The following SLIT1 variants were observed in gnomAD, a reference collection of about 807,000 sequenced individuals.
SLIT1 encodes the protein slit guidance ligand 1.
SLIT1 carries 66 observed loss-of-function variants against 186.1 expected under a neutral mutation model. The ratio of observed to expected loss-of-function variants is 0.35; its 90% confidence interval spans 0.29 to 0.44. The LOEUF (loss-of-function observed/expected upper bound fraction) is 0.44, where lower values mean the gene tolerates loss of function less well. Among genes scored for constraint, SLIT1 ranks in the 20% least tolerant of loss-of-function variants. The pLI is 1.00. For missense variants in SLIT1, 1,638 were observed against 2,037.4 expected (o/e 0.80, Z 3.77); for synonymous variants, 761 against 833.8 (o/e 0.91, Z 1.50).
chr10:97,141,701 CGTATTGTATTGTACT>C lies in SLIT1; in HGVS notation c.413+16102_413+16116del, dbSNP rs1232335626. Among the ~76,000 whole-genome samples the C allele has an allele frequency of 5.6e-4, 54 of 96,404 alleles. 1 individual carries two copies. In the South Asian group the frequency reaches 0.015, roughly 26 times the overall value. The allele number at this position is 96,404 out of a possible 152,430, so 63.2% of individuals were successfully genotyped here. On this transcript the variant is annotated intron_variant, in intron 4 of 36. Coordinates refer to ENST00000266058, the MANE Select transcript of SLIT1 (RefSeq NM_003061.3). ...CGTATTGTATCGTATCGTATCGTATCGTATTGTATTGTACTGTATTGTATTGTACTGTATTGTATC... is the reference window on the plus strand; with the variant it reads ...CGTATTGTATCGTATCGTATCGTATCGTATTGTATTGTACTGTATTGTATC...
At chr10:97,178,556 A>T (rs1850287030) in intron 1 of SLIT1, among the ~76,000 whole-genome samples, 1 of 152,250 alleles carries the variant, frequency 6.6e-6, no homozygotes, top group South Asian at 2.1e-4. Flanking sequence ...CTGGGAAAAA[A>T]TAGCCATGAA....
At chr10:97,042,698 T>G (rs1170637137) in intron 20 of SLIT1, among the ~76,000 whole-genome samples, 3 of 152,100 alleles carry the variant, frequency 2.0e-5, no homozygotes, top group Admixed American at 6.5e-5. Context: ...GATAGGAACT[T>G]TATTGCTCTT....
intron 28 of SLIT1, among the ~76,000 whole-genome samples, 200 bp downstream of exon 28, chr10:97,018,386 C>G (rs7069617): frequency 0.25 from 38,471 of 152,176 alleles, 5,854 homozygotes; most frequent in African/African-American, 0.43. Context: ...ACTGCATCTG[C>G]GCAAGGAAGG....
At position 97,058,853 on chromosome 10, in the gene SLIT1, G is replaced by A. The variant is rs1589377948; in HGVS notation, c.1085+607C>T. Among the ~76,000 whole-genome samples, 7 of 152,212 alleles carry A rather than the reference G, an allele frequency of 4.6e-5. No individual in the cohort carries two copies. The South Asian group carries it at 1.4e-3, about 31-fold the overall frequency. Reference sequence around the variant, plus strand: ...TACAGACAAAGTGCTGTAGGACCTCGGGTAGTGAGGCCCTTGGTGAGTGGG... The same window carrying A: ...TACAGACAAAGTGCTGTAGGACCTCAGGTAGTGAGGCCCTTGGTGAGTGGG... On this transcript the variant is annotated intron_variant, in intron 11 of 36. Transcript: ENST00000266058.
At chr10:97,157,565 C>CA (rs1445052961) in intron 4 of SLIT1, 1 of 523,022 alleles carries the variant, frequency 1.9e-6, no homozygotes, top group African/African-American at 1.9e-5. Context: ...CTTGTACCCA[C>CA]ACTGTCAGCG....
rs1046730413 is a variant in SLIT1, at chr10:97,157,588, T to A, written c.413+230A>T. 9.1e-6 allele frequency: 5 copies of A among 549,470 alleles called. No homozygotes were observed. The East Asian group carries it at 1.2e-4, about 13-fold the overall frequency. 34.0% of individuals were successfully genotyped at this position (549,470 alleles called of 1,614,324 possible). ...CACACTGTCAGCGGCAGCTCACAAA[T>A]CTGGATGAACTGCGGGTTCTTCCAA... On this transcript the variant is annotated intron_variant, in intron 4 of 36. Transcript: ENST00000266058.
At chr10:97,011,685 T>C (rs1369579831) in intron 30 of SLIT1, among the ~76,000 whole-genome samples, 1 of 152,140 alleles carries the variant, frequency 6.6e-6, no homozygotes, top group Non-Finnish European at 1.5e-5. Context: ...AAACACTCCC[T>C]TTGGGCTCCT....
chr10:97,135,246 G>A (rs533022095), intron 4 of SLIT1, among the ~76,000 whole-genome samples: 22 of 152,154 alleles, frequency 1.4e-4, no homozygotes, highest in Admixed American at 3.9e-4. Flanking sequence ...GCCTGACCAC[G>A]TGCCTGCGTC....
At chr10:97,176,821 T>G (rs1229705229) in intron 1 of SLIT1, among the ~76,000 whole-genome samples, 247 of 152,342 alleles carry the variant, frequency 1.6e-3, no homozygotes, top group Non-Finnish European at 3.0e-3. Context: ...GTGTAGCCAC[T>G]GCTCTCCACT....
In SLIT1 at chr10:97,074,386, G is replaced by A. The variant is rs77917773; in HGVS notation, c.414-8300C>T. Among the ~76,000 whole-genome samples the A allele has an allele frequency of 1.6e-3, 238 of 152,328 alleles. 5 individuals are homozygous for A. The East Asian group carries it at 0.034, about 22-fold the overall frequency. On this transcript the variant is annotated intron_variant, in intron 4 of 36. Coordinates refer to ENST00000266058, the MANE Select transcript of SLIT1 (RefSeq NM_003061.3). ...GCCAGACAGGCTGGCTGTGCATGGC[G>A]AGAGACCACAGCTCCCCACCTATGC...
chr10:97,003,027 A>G (rs1231012466), intron 34 of SLIT1, 35 bp from the exon 35 acceptor site: 1 of 1,590,112 alleles, frequency 6.3e-7, no homozygotes, highest in Non-Finnish European at 8.6e-7. Context: ...TGGGCTGAGT[A>G]AAGCTCGGGC....
intron 4 of SLIT1, among the ~76,000 whole-genome samples, chr10:97,140,749 G>A (rs1398623092): frequency 6.6e-6 from 1 of 152,162 alleles, no homozygotes; most frequent in Non-Finnish European, 1.5e-5. Flanking sequence ...GGGCTCCTCG[G>A]CACCTCTGGT....
At chr10:97,085,859 G>T (rs1370526218) in intron 4 of SLIT1, among the ~76,000 whole-genome samples, 1 of 152,180 alleles carries the variant, frequency 6.6e-6, no homozygotes, top group Non-Finnish European at 1.5e-5. Flanking sequence ...GTACCAAAAA[G>T]GTCAAAACTA....
intron 1 of SLIT1, among the ~76,000 whole-genome samples, chr10:97,185,237 G>GTGCAGGA (rs1850395121): frequency 6.6e-6 from 1 of 152,254 alleles, no homozygotes; most frequent in South Asian, 2.1e-4. Context: ...AGGGTGCAGG[G>GTGCAGGA]TGCAGGTGTG....
At chr10:97,001,579 C>T (rs1962434) in intron 36 of SLIT1, among the ~76,000 whole-genome samples, 38,611 of 152,072 alleles carry the variant, frequency 0.25, 8,665 homozygotes, top group African/African-American at 0.6. Flanking sequence ...CCAGGACAGA[C>T]TGAACTGCTG....
chr10:97,145,204 C>T (rs374102986), intron 4 of SLIT1, among the ~76,000 whole-genome samples: 1 of 151,860 alleles, frequency 6.6e-6, no homozygotes, highest in African/African-American at 2.4e-5. Context: ...TGCAATGGTG[C>T]GGTCCCGGGT....
In SLIT1 at chr10:97,059,989, T is replaced by G. The variant is rs1423210627; in HGVS notation, c.1013+98A>C. On this transcript the variant is annotated intron_variant, in intron 10 of 36. Coordinates refer to ENST00000266058, the MANE Select transcript of SLIT1 (RefSeq NM_003061.3). The stretch of plus-strand genomic sequence containing the variant: ...GTGGCTGGCCAAGGCCACTCAGCTG[T>G]GGGGGGCTGAGTTAGGGCCTGCCCC... 7 of 1,039,776 alleles carry G rather than the reference T, an allele frequency of 6.7e-6. No individual in the cohort carries two copies. The Admixed American group carries it at 1.0e-4, about 15-fold the overall frequency. The allele number at this position is 1,039,776 out of a possible 1,614,324, so 64.4% of individuals were successfully genotyped here. A position where few individuals can be genotyped will look rare whatever the true frequency, so the allele number is the denominator to read the frequency against.
chr10:97,098,546 G>C (rs549662352), intron 4 of SLIT1, among the ~76,000 whole-genome samples: 15 of 152,348 alleles, frequency 9.8e-5, no homozygotes, highest in Middle Eastern at 3.4e-3. Flanking sequence ...GAGCCTGGTG[G>C]TCCAAGTGGT....
At chr10:97,039,083 G>A (rs1848667210) in intron 21 of SLIT1, among the ~76,000 whole-genome samples, 1 of 152,192 alleles carries the variant, frequency 6.6e-6, no homozygotes, top group African/African-American at 2.4e-5. Context: ...GCCCGCAGTG[G>A]TTGATGTGCT....
Sources: gnomAD v4.1 joint callset for allele counts (sites outside exome capture counted in the v4.1 genomes callset) on GRCh38, gnomAD v4.1.1 for gene constraint, MANE v1.5 for transcripts, NCBI Gene and HGNC (gene_info 2026-07-23, HGNC 2026-07-21) for gene names.